VILL: variants seen among roughly 807,000 people sequenced by gnomAD.
The protein encoded by VILL is villin like.
Under a neutral mutation model 106.3 loss-of-function variants are expected in VILL, and 102 were observed. The observed-to-expected ratio is 0.96, with a 90% CI of 0.82 to 1.13. The LOEUF (loss-of-function observed/expected upper bound fraction) is 1.13, where lower values mean the gene tolerates loss of function less well. Ranked by LOEUF, VILL falls within the 50% of genes most tolerant of loss-of-function variation. The pLI is 0.00. For missense variants in VILL, 1,076 were observed against 1,116.6 expected, an observed-to-expected ratio of 0.96 and a Z score of 0.52; for synonymous variants, 431 against 440.3, an observed-to-expected ratio of 0.98 and a Z score of 0.27.
chr3:37,997,699 G>T lies in VILL; in HGVS notation c.764+14G>T. The T allele has an allele frequency of 6.5e-7, 1 of 1,538,400 alleles. No homozygotes were observed. The highest frequency in any genetic ancestry group is 1.1e-5 in the South Asian group (1 of 89,168). On this transcript the variant is annotated intron_variant, in intron 7 of 19. Coordinates refer to ENST00000383759, the MANE Select transcript of VILL (RefSeq NM_015873.4). This position sits in a 1 kb window ranked among gnomAD's most constrained non-coding sequence, Gnocchi z 4.7. Reference sequence around the variant, plus strand: ...TCGCCTGTACCAGTGAGTACCCCTGGGGTGGGCAGGGGTGGGTGGGACAGT... The same window carrying T: ...TCGCCTGTACCAGTGAGTACCCCTGTGGTGGGCAGGGGTGGGTGGGACAGT...
intron 14 of VILL, 132 bp from the exon 15 acceptor site, chr3:38,003,036 G>A: frequency 8.8e-7 from 1 of 1,141,722 alleles, no homozygotes; most frequent in Middle Eastern, 2.4e-4. Flanking sequence ...TTGTTCACTG[G>A]TGTCCTGCTG....
intron 5 of VILL, among the ~76,000 whole-genome samples, chr3:37,996,876 T>C (rs1257987741): frequency 6.6e-6 from 1 of 152,110 alleles, no homozygotes; most frequent in East Asian, 1.9e-4. Context: ...CATGTATACA[T>C]GTACAGCAAC....
intron 11 of VILL, among the ~76,000 whole-genome samples, chr3:37,999,739 C>T (rs1359474185): frequency 6.6e-6 from 1 of 152,216 alleles, no homozygotes; most frequent in African/African-American, 2.4e-5. Context: ...CTTATACAGA[C>T]ACACATACTA....
Position 37,998,984 on chromosome 3 carries a change from G to A in VILL, c.1015G>A (p.Ala339Thr). The A allele has an allele frequency of 6.2e-7, 1 of 1,610,104 alleles. No homozygotes were observed. Among genetic ancestry groups the A allele is most frequent in the Non-Finnish European group, 8.5e-7 (1 of 1,178,414 alleles). ...EVVNDGAESA[A>T]FKQLFRTWSE... ...GGTGAACGACGGCGCCGAGTCGGCC[G>A]CGTTCAAGCAGCTCTTCCGGACTTG... Residue 339 changes from alanine to threonine, a missense_variant, in exon 10 of 20, where the codon GCG (alanine) becomes ACG (threonine). Physicochemically the swap from Ala to Thr is moderately conservative, Grantham distance 58 (BLOSUM62 0). Transcript: ENST00000383759. The surrounding 1 kb of genome is among the most constrained non-coding windows in gnomAD (Gnocchi z 4.1).
intron 13 of VILL, chr3:38,002,062 G>GCCCC (rs1301204899): frequency 5.3e-5 from 45 of 852,914 alleles, no homozygotes; most frequent in Admixed American, 2.4e-4. Flanking sequence ...GCCAGATGAG[G>GCCCC]AATTTGAGTT....
At chr3:37,995,597 A>G (rs1699686178) in intron 4 of VILL, 142 bp from the exon 5 acceptor site, 1 of 641,340 alleles carries the variant, frequency 1.6e-6, no homozygotes, top group Admixed American at 2.2e-5. Flanking sequence ...ACTTATACAT[A>G]CATGTGTTCA....
chr3:37,999,333 C>T lies in VILL; in HGVS notation c.1082-6C>T, dbSNP rs571101843. ...GCGCCACTGACGCCTACTGTCCCCC[C>T]TTCAGATAAATCGATTCATGTAAAG... On this transcript the variant is annotated splice_region_variant and splice_polypyrimidine_tract_variant and intron_variant, in intron 10 of 19. Transcript: ENST00000383759. The T allele has an allele frequency of 6.6e-7, 1 of 1,512,290 alleles. No homozygotes were observed. The highest frequency in any genetic ancestry group is 8.8e-7 in the Non-Finnish European group (1 of 1,132,558). The allele number at this position is 1,512,290 out of a possible 1,614,324, so 93.7% of individuals were successfully genotyped here.
chr3:38,001,345 G>A (rs1699811899), intron 11 of VILL, 111 bp from the exon 12 acceptor site: 14 of 1,509,620 alleles, frequency 9.3e-6, no homozygotes, highest in South Asian at 8.9e-5. Context: ...CCTGGCCTGC[G>A]TGGATGAGGA....
At chr3:37,989,301 G>A (rs192026721), upstream of VILL, among the ~76,000 whole-genome samples, 106 of 152,330 alleles carry the variant, frequency 7.0e-4, 1 homozygote, top group African/African-American at 2.3e-3. Flanking sequence ...TGTGACAGAC[G>A]GAAGATGGAG....
At chr3:38,005,234 A>G (rs748923509) in intron 16 of VILL, among the ~76,000 whole-genome samples, 2 of 152,134 alleles carry the variant, frequency 1.3e-5, no homozygotes, top group Non-Finnish European at 2.9e-5. Flanking sequence ...CCACAGCCCT[A>G]CGTGACCTGG....
In VILL at chr3:37,998,566, A is replaced by G. The variant is rs540131185; in HGVS notation, c.942+202A>G. ...AAGACCAGGTGGCCTCTGAGAAACC[A>G]TGTGTAAAAGGGGCACGTGGCCCTG... On this transcript the variant is annotated intron_variant, in intron 9 of 19. Transcript: ENST00000383759. The surrounding 1 kb of genome is among the most constrained non-coding windows in gnomAD (Gnocchi z 4.1). 2.0e-5 allele frequency among the ~76,000 whole-genome samples: 3 copies of G among 152,216 alleles called. No individual in the cohort carries two copies. Among genetic ancestry groups the G allele is most frequent in the South Asian group, 4.1e-4 (2 of 4,832 alleles).
chr3:38,002,158 C>T (rs1380158165), intron 13 of VILL: 4 of 636,736 alleles, frequency 6.3e-6, no homozygotes, highest in African/African-American at 1.8e-5. Flanking sequence ...CACCCATGCC[C>T]CAACCACTCA....
Position 38,006,612 on chromosome 3 carries a change from C to T in VILL, c.2369C>T (p.Ala790Val). ...RTSSSVSSTS[A>V]TINGGLRREQ... The stretch of plus-strand genomic sequence containing the variant: ...AGCAGCTCCGTCAGCAGCACCAGCG[C>T]CACGATCAACGGGGGCCTGCGCCGG... The change falls in exon 19 of 20, where the codon GCC (alanine) becomes GTC (valine). Residue 790 changes from alanine (A) to valine (V), a missense_variant. Ala to Val is a moderately conservative substitution (Grantham distance 64). Transcript: ENST00000383759. 1.2e-6 allele frequency: 2 copies of T among 1,614,076 alleles called. No homozygotes were observed. Among genetic ancestry groups the T allele is most frequent in the Non-Finnish European group, 1.7e-6 (2 of 1,180,036 alleles).
Position 37,995,840 on chromosome 3 carries a change from C to A in VILL, c.443C>A (p.Ala148Asp). ...LHIKGRKHVS[A>D]TEVELSWNSF... ...ATCAAAGGGAGGAAGCACGTGTCTG[C>A]CACTGAGGTGAGGCTGCCAGGGGAG... The change falls in exon 5 of 20, where the codon GCC (alanine) becomes GAC (aspartate). Residue 148 changes from alanine (A) to aspartate (D), a missense_variant. Coordinates refer to ENST00000383759, the MANE Select transcript of VILL (RefSeq NM_015873.4). The A allele has an allele frequency of 1.2e-6, 2 of 1,613,368 alleles. No individual in the cohort carries two copies. Among genetic ancestry groups the A allele is most frequent in the Non-Finnish European group, 1.7e-6 (2 of 1,179,552 alleles).
rs1575333912 is a variant in VILL, at chr3:37,994,575, G to T, written c.341+109G>T. 14 of 1,303,402 alleles carry T rather than the reference G, an allele frequency of 1.1e-5. 1 individual carries two copies. The highest frequency in any genetic ancestry group is 2.4e-4 in the Middle Eastern group (1 of 4,192). The allele number at this position is 1,303,402 out of a possible 1,614,324, so 80.7% of individuals were successfully genotyped here. A position where few individuals can be genotyped will look rare whatever the true frequency, so the allele number is the denominator to read the frequency against. ...ATCCCTGAATGGGGCAAGCCGGGAG[G>T]GGTTGGGTAACACCTTTATTGAGAT... On this transcript the variant is annotated intron_variant, in intron 4 of 19. Transcript: ENST00000383759.
At chr3:37,989,233 T>G (rs952381365), upstream of VILL, among the ~76,000 whole-genome samples, 1 of 151,842 alleles carries the variant, frequency 6.6e-6, no homozygotes. Context: ...TCAGAGAGGG[T>G]AGATCTGGGA....
chr3:37,996,710 T>C (rs1037787508), intron 5 of VILL, among the ~76,000 whole-genome samples: 2 of 152,220 alleles, frequency 1.3e-5, no homozygotes, highest in African/African-American at 4.8e-5. Flanking sequence ...TCCCTTTTAC[T>C]CTCAAAAGTG....
At chr3:38,000,697 C>T (rs750496602) in intron 11 of VILL, among the ~76,000 whole-genome samples, 7 of 152,174 alleles carry the variant, frequency 4.6e-5, no homozygotes, top group Non-Finnish European at 7.3e-5. Flanking sequence ...GTAATTGCCA[C>T]TGTTAGGTGG....
Position 37,998,356 on chromosome 3 carries a change from C to G in VILL, c.934C>G (p.Arg312Gly). 1 of 1,614,078 alleles carries G rather than the reference C, an allele frequency of 6.2e-7. No homozygotes were observed. The highest frequency in any genetic ancestry group is 8.5e-7 in the Non-Finnish European group (1 of 1,179,968). ...CCAGGAGAGAAAGGCTGCCTTCAGCCGGGCTGTGGTGAGCCCTGGGGCTCT... is the reference window on the plus strand; with the variant it reads ...CCAGGAGAGAAAGGCTGCCTTCAGCGGGGCTGTGGTGAGCCCTGGGGCTCT... ...SLQERKAAFS[R>G]AVGFIQAKGY... is the part of the protein sequence containing the mutation. Residue 312 changes from arginine to glycine, a missense_variant, in exon 9 of 20, where the codon CGG becomes GGG. Arg to Gly is a moderately radical substitution (Grantham distance 125). Transcript: ENST00000383759. This position sits in a 1 kb window ranked among gnomAD's most constrained non-coding sequence, Gnocchi z 4.1.
Sources: allele counts gnomAD v4.1 joint callset (sites outside exome capture counted in the v4.1 genomes callset), GRCh38; gene constraint gnomAD v4.1.1; non-coding constraint Gnocchi (gnomAD v3.1); transcripts MANE v1.5; gene names NCBI Gene and HGNC (gene_info 2026-07-23, HGNC 2026-07-21).